ST3GAL6: variants seen among roughly 807,000 people sequenced by gnomAD.
The protein encoded by ST3GAL6 is type 2 lactosamine alpha-2,3-sialyltransferase.
Under a neutral mutation model 40.5 loss-of-function variants are expected in ST3GAL6, and 31 were observed. That is an observed-to-expected ratio of 0.77 (90% CI 0.58 to 1.03). ST3GAL6 has a LOEUF of 1.03. Ranked by LOEUF, ST3GAL6 falls within the 50% of genes least tolerant of loss-of-function variation. The probability of loss-of-function intolerance (pLI) is 0.00; values close to 1 mark genes in which losing one functional copy is unlikely to be tolerated. For missense variants in ST3GAL6, 357 were observed against 393.2 expected (o/e 0.91, Z 0.78); for synonymous variants, 129 against 136.9 (o/e 0.94, Z 0.40).
chr3:98,739,548 A>G (rs1228149868), intron 1 of ST3GAL6, among the ~76,000 whole-genome samples: 1 of 152,216 alleles, frequency 6.6e-6, no homozygotes, highest in Non-Finnish European at 1.5e-5. Context: ...TTTTCAGCTT[A>G]GGAAATATTC....
At chr3:98,779,915 T>G (rs952449494) in intron 5 of ST3GAL6, among the ~76,000 whole-genome samples, 4 of 151,006 alleles carry the variant, frequency 2.6e-5, no homozygotes, top group African/African-American at 9.9e-5. Context: ...TCAGGAAGTG[T>G]TGTAGATGGG....
At position 98,772,827 on chromosome 3, in the gene ST3GAL6, A is replaced by G. The variant is rs779413590; in HGVS notation, c.182A>G (p.His61Arg). The G allele has an allele frequency of 1.9e-5, 30 of 1,612,488 alleles. No homozygotes were observed. The highest frequency in any genetic ancestry group is 2.7e-5 in the African/African-American group (2 of 74,752). The part of the protein sequence containing the change: ...FASLLRFHQF[H>R]PFLCAADFRK... ...TTTCCTTCCAGGTTTCATCAGTTTC[A>G]CCCTTTTCTGTGTGCGGCTGATTTT... Residue 61 changes from histidine (H) to arginine (R), a missense_variant, in exon 4 of 10, where the codon CAC becomes CGC. Physicochemically the swap from His to Arg is conservative, Grantham distance 29 (BLOSUM62 0). Coordinates refer to ENST00000483910, the MANE Select transcript of ST3GAL6 (RefSeq NM_001323368.2).
intron 1 of ST3GAL6, among the ~76,000 whole-genome samples, chr3:98,746,469 C>G (rs828596): frequency 0.41 from 61,817 of 151,668 alleles, 12,985 homozygotes; most frequent in Middle Eastern, 0.55. Context: ...TTTTCTTCTC[C>G]CCTCTGCCCC....
chr3:98,741,376 G>A (rs1559720391), intron 1 of ST3GAL6, among the ~76,000 whole-genome samples: 1 of 152,076 alleles, frequency 6.6e-6, no homozygotes, highest in Non-Finnish European at 1.5e-5. Context: ...AATCCTAACA[G>A]ATTATTCCAA....
intron 1 of ST3GAL6, among the ~76,000 whole-genome samples, chr3:98,734,860 T>G (rs535059704): frequency 6.6e-6 from 1 of 152,254 alleles, no homozygotes; most frequent in Non-Finnish European, 1.5e-5. Flanking sequence ...GTTGGAGACA[T>G]TTCTGTGTTC....
At chr3:98,787,932 A>C (rs771258926) in intron 6 of ST3GAL6, 104 bp from the exon 7 acceptor site, 2 of 994,382 alleles carry the variant, frequency 2.0e-6, no homozygotes, top group Non-Finnish European at 2.9e-6. Context: ...AGAGCACAGG[A>C]TAAAAGGCTG....
intron 1 of ST3GAL6, among the ~76,000 whole-genome samples, chr3:98,765,929 C>G (rs747714734): frequency 6.6e-6 from 1 of 152,082 alleles, no homozygotes; most frequent in Admixed American, 6.6e-5. Flanking sequence ...TTTGTGGAAG[C>G]TTTTTCCTGT....
In ST3GAL6 at chr3:98,748,811, G is replaced by A. The variant is rs192273809; in HGVS notation, c.-12+16279G>A. Reference sequence around the variant, plus strand: ...CACTGCCCCTGCTATCTGCAGCCTCGGTTCTTTGAGTGTACCATTTTCATT... The same window carrying A: ...CACTGCCCCTGCTATCTGCAGCCTCAGTTCTTTGAGTGTACCATTTTCATT... On this transcript the variant is annotated intron_variant, in intron 1 of 9. Transcript: ENST00000265261. 4.6e-5 allele frequency among the ~76,000 whole-genome samples: 7 copies of A among 152,194 alleles called. 1 individual carries two copies. In the East Asian group the frequency reaches 1.2e-3, roughly 25 times the overall value.
chr3:98,785,252 G>C (rs1050904801), intron 6 of ST3GAL6, among the ~76,000 whole-genome samples: 1 of 152,110 alleles, frequency 6.6e-6, no homozygotes, highest in African/African-American at 2.4e-5. Context: ...TAGTGTGCTA[G>C]CATGCTTCTA....
intron 2 of ST3GAL6, 38 bp from the exon 3 acceptor site, chr3:98,770,841 G>A (rs753831170): frequency 1.6e-5 from 25 of 1,593,604 alleles, no homozygotes; most frequent in East Asian, 2.2e-5. Flanking sequence ...CAGGGTGCCC[G>A]ATTCTGGTTT....
chr3:98,774,113 CTAG>C, intron 5 of ST3GAL6, 130 bp downstream of exon 5: 1 of 676,652 alleles, frequency 1.5e-6, no homozygotes, highest in Non-Finnish European at 2.5e-6. Flanking sequence ...ACCAAAATTT[CTAG>C]TAGTAATTTG....
intron 5 of ST3GAL6, chr3:98,782,649 C>T (rs1940249625): frequency 2.2e-6 from 1 of 453,490 alleles, no homozygotes; most frequent in East Asian, 5.0e-5. Flanking sequence ...GAAAACATCT[C>T]CAACTTCAAC....
chr3:98,791,548 CT>C (rs1941208569), intron 8 of ST3GAL6, among the ~76,000 whole-genome samples: 1 of 152,186 alleles, frequency 6.6e-6, no homozygotes, highest in Admixed American at 6.5e-5. Context: ...GCAACATTCT[CT>C]TCCTTAAGCC....
chr3:98,764,409 G>C (rs1026131420), intron 1 of ST3GAL6, among the ~76,000 whole-genome samples: 6 of 152,046 alleles, frequency 3.9e-5, no homozygotes, highest in African/African-American at 9.7e-5. Context: ...CTGGGAACAG[G>C]GTTGGGAGTA....
upstream of ST3GAL6, among the ~76,000 whole-genome samples, chr3:98,759,222 G>A (rs944343011): frequency 3.9e-5 from 6 of 152,168 alleles, no homozygotes; most frequent in African/African-American, 1.4e-4. Flanking sequence ...TAGTAGCTAA[G>A]GTGAGAAGTA....
At position 98,754,614 on chromosome 3, in the gene ST3GAL6, A is replaced by G. The variant is rs763954384; in HGVS notation, c.-11-13816A>G. Among the ~76,000 whole-genome samples the G allele has an allele frequency of 2.0e-5, 3 of 152,350 alleles. 1 individual carries two copies. The highest frequency in any genetic ancestry group is 6.8e-3 in the Middle Eastern group (2 of 294). On this transcript the variant is annotated intron_variant, in intron 1 of 9. Transcript: ENST00000265261. ...AAAGAAGTTCTGTGGCTAAAATGCTATCAAAGAGCATTACATGGTACGGAG... is the reference window on the plus strand; with the variant it reads ...AAAGAAGTTCTGTGGCTAAAATGCTGTCAAAGAGCATTACATGGTACGGAG...
chr3:98,795,789 C>T lies in ST3GAL6; in HGVS notation c.*2028C>T, dbSNP rs984203799. The T allele has an allele frequency of 6.6e-6, 1 of 152,084 alleles. No individual in the cohort carries two copies. The highest frequency in any genetic ancestry group is 1.5e-5 in the Non-Finnish European group (1 of 68,028). The allele number at this position is 152,084 out of a possible 1,614,324, so 9.4% of individuals were successfully genotyped here. A position where few individuals can be genotyped will look rare whatever the true frequency, so the allele number is the denominator to read the frequency against. The stretch of plus-strand genomic sequence containing the variant: ...ATCACACAATATACCCATGTAACAA[C>T]CTGCACTCTGCACATGTACCCTTAG... On this transcript the variant is annotated 3_prime_UTR_variant, in exon 10 of 10. Transcript: ENST00000483910.
intron 1 of ST3GAL6, among the ~76,000 whole-genome samples, chr3:98,754,196 A>G (rs550140335): frequency 6.6e-6 from 1 of 152,352 alleles, no homozygotes; most frequent in South Asian, 2.1e-4. Flanking sequence ...TCACCATTCT[A>G]TATGCCATTA....
At chr3:98,774,620 T>G (rs1939339258) in intron 5 of ST3GAL6, among the ~76,000 whole-genome samples, 1 of 152,242 alleles carries the variant, frequency 6.6e-6, no homozygotes, top group Non-Finnish European at 1.5e-5. Flanking sequence ...CTTTAGAATT[T>G]GGCCAGGGTG....
Sources: gnomAD v4.1 joint callset for allele counts (sites outside exome capture counted in the v4.1 genomes callset) on GRCh38, gnomAD v4.1.1 for gene constraint, MANE v1.5 for transcripts, NCBI Gene and HGNC (gene_info 2026-07-23, HGNC 2026-07-21) for gene names.